DCTN6: variants seen among roughly 807,000 people sequenced by gnomAD.
DCTN6 encodes dynactin subunit 6.
DCTN6 carries 15 observed loss-of-function variants against 25.8 expected under a neutral mutation model. That is an observed-to-expected ratio of 0.58 (90% CI 0.39 to 0.89). DCTN6 has a LOEUF of 0.89. Among genes scored for constraint, DCTN6 ranks in the 40% least tolerant of loss-of-function variants. The pLI, the probability that DCTN6 is intolerant of heterozygous loss-of-function variation, is 0.00. For synonymous variants in DCTN6, 64 were observed against 78.3 expected, an observed-to-expected ratio of 0.82 and a Z score of 0.96; for missense variants, 198 against 237.6, an observed-to-expected ratio of 0.83 and a Z score of 1.09.
intron 2 of DCTN6, among the ~76,000 whole-genome samples, chr8:30,167,717 G>A (rs907533439): frequency 5.7e-5 from 8 of 141,132 alleles, no homozygotes; most frequent in African/African-American, 2.2e-4. Context: ...CTTTCTTTTT[G>A]AGACAGAGTC....
chr8:30,168,446 C>T (rs1317806812), intron 2 of DCTN6, among the ~76,000 whole-genome samples: 1 of 152,174 alleles, frequency 6.6e-6, no homozygotes, highest in African/African-American at 2.4e-5. Flanking sequence ...CATCTGATTA[C>T]AACTCTCCCC....
chr8:30,161,288 C>T (rs1803590713), intron 1 of DCTN6, among the ~76,000 whole-genome samples: 1 of 152,138 alleles, frequency 6.6e-6, no homozygotes, highest in South Asian at 2.1e-4. Context: ...TCAATTAAAC[C>T]TCTTTCCTTT....
At chr8:30,170,530 T>C (rs1371405963) in intron 2 of DCTN6, among the ~76,000 whole-genome samples, 2 of 152,158 alleles carry the variant, frequency 1.3e-5, no homozygotes, top group Non-Finnish European at 2.9e-5. Context: ...TTAATAATTA[T>C]TAATAATGAT....
At chr8:30,171,044 A>G (rs979904622) in intron 2 of DCTN6, among the ~76,000 whole-genome samples, 4 of 152,214 alleles carry the variant, frequency 2.6e-5, no homozygotes, top group Middle Eastern at 3.4e-3. Flanking sequence ...AGAAATTTGT[A>G]TTACTTAGTC....
At chr8:30,159,903 A>G (rs937928034) in intron 1 of DCTN6, among the ~76,000 whole-genome samples, 1 of 151,986 alleles carries the variant, frequency 6.6e-6, no homozygotes, top group Non-Finnish European at 1.5e-5. Context: ...CTGGGAGTAC[A>G]GGTGTAAGCC....
intron 2 of DCTN6, among the ~76,000 whole-genome samples, chr8:30,164,552 C>T (rs1803640437): frequency 6.6e-6 from 1 of 152,210 alleles, no homozygotes; most frequent in Non-Finnish European, 1.5e-5. Flanking sequence ...CAGACCTGGG[C>T]TACTCTGCTC....
chr8:30,173,865 T>C (rs1368362041), intron 2 of DCTN6, among the ~76,000 whole-genome samples: 1 of 152,128 alleles, frequency 6.6e-6, no homozygotes. Flanking sequence ...TCTGCACTTG[T>C]TTACCCATAA....
intron 1 of DCTN6, among the ~76,000 whole-genome samples, chr8:30,162,850 G>GTAT (rs2117577869): frequency 1.3e-5 from 2 of 152,196 alleles, no homozygotes; most frequent in Middle Eastern, 3.4e-3. Flanking sequence ...TTCTAAGTTA[G>GTAT]TATTACCTTG....
At chr8:30,179,549 G>A in intron 5 of DCTN6, 94 bp downstream of exon 5, 1 of 1,137,464 alleles carries the variant, frequency 8.8e-7, no homozygotes. Context: ...GTGGCAAGGT[G>A]TTGTGCTTGG....
intron 5 of DCTN6, among the ~76,000 whole-genome samples, chr8:30,179,724 A>G (rs1225106621): frequency 6.6e-6 from 1 of 152,252 alleles, no homozygotes; most frequent in Non-Finnish European, 1.5e-5. Context: ...GATTTCTACT[A>G]AATACTAGTC....
intron 2 of DCTN6, among the ~76,000 whole-genome samples, chr8:30,172,146 A>G (rs1209271715): frequency 2.0e-5 from 3 of 152,148 alleles, no homozygotes; most frequent in Non-Finnish European, 2.9e-5. Flanking sequence ...AAAGAAATCC[A>G]CTGCTCATTT....
intron 2 of DCTN6, among the ~76,000 whole-genome samples, chr8:30,168,699 A>G (rs1465947414): frequency 6.6e-6 from 1 of 152,218 alleles, no homozygotes; most frequent in Admixed American, 6.5e-5. Flanking sequence ...CTGTTTTCCT[A>G]GAAAAGCAGG....
chr8:30,166,314 TC>T (rs1221783527), intron 2 of DCTN6, among the ~76,000 whole-genome samples: 2 of 151,280 alleles, frequency 1.3e-5, no homozygotes, highest in Non-Finnish European at 2.9e-5. Flanking sequence ...GTTTTTTTTT[TC>T]TTTCTTTTTT....
At chr8:30,164,827 A>C (rs994130304) in intron 2 of DCTN6, among the ~76,000 whole-genome samples, 1 of 152,220 alleles carries the variant, frequency 6.6e-6, no homozygotes, top group Non-Finnish European at 1.5e-5. Context: ...TGGATGAGAA[A>C]GGGGAGGCGT....
chr8:30,175,285 G>A, intron 3 of DCTN6, 95 bp downstream of exon 3: 1 of 1,026,804 alleles, frequency 9.7e-7, no homozygotes, highest in Non-Finnish European at 1.5e-6. Flanking sequence ...TGACATCCAG[G>A]AGGCCTACTA....
chr8:30,156,765 T>C (rs1245405664), intron 1 of DCTN6, among the ~76,000 whole-genome samples: 2 of 152,236 alleles, frequency 1.3e-5, no homozygotes, highest in Admixed American at 6.5e-5. Context: ...TAATCGGCGG[T>C]GCTTGGCGCC....
chr8:30,172,214 G>T (rs1192088939), intron 2 of DCTN6, among the ~76,000 whole-genome samples: 1 of 151,848 alleles, frequency 6.6e-6, no homozygotes, highest in Non-Finnish European at 1.5e-5. Context: ...CATTATTAAG[G>T]GACCTGTGAA....
chr8:30,156,606 G>A (rs1459900875), intron 1 of DCTN6, among the ~76,000 whole-genome samples, 200 bp downstream of exon 1: 3 of 152,112 alleles, frequency 2.0e-5, no homozygotes, highest in African/African-American at 7.2e-5. Flanking sequence ...ACGCGGAGTC[G>A]CTGCCTGGAA....
rs374304955 is a variant in DCTN6 at position 30,177,175 on chromosome 8, A to G, written c.244A>G (p.Met82Val). ...PDTEDPEPKP[M>V]IIGTNNVFEV... ...CACTGAAGATCCAGAACCAAAACCT[A>G]TGATCATTGGCACCAATAATGTGTT... Residue 82 changes from methionine (M) to valine (V), a missense_variant, in exon 4 of 7, where the codon ATG becomes GTG. Coordinates refer to ENST00000221114, the MANE Select transcript of DCTN6 (RefSeq NM_006571.4). 16 of 1,613,730 alleles carry G rather than the reference A, an allele frequency of 9.9e-6. No individual in the cohort carries two copies. The highest frequency in any genetic ancestry group is 4.4e-5 in the South Asian group (4 of 91,082).
Sources: gnomAD v4.1 joint callset for allele counts (sites outside exome capture counted in the v4.1 genomes callset) on GRCh38, gnomAD v4.1.1 for gene constraint, MANE v1.5 for transcripts, NCBI Gene and HGNC (gene_info 2026-07-23, HGNC 2026-07-21) for gene names.